Variants in C1orf21 observed in about 807,000 individuals in gnomAD.
The protein encoded by C1orf21 is uncharacterized protein C1orf21.
In C1orf21, 3 loss-of-function variants were observed where a neutral mutation model predicts 18.7. The ratio of observed to expected loss-of-function variants is 0.16; its 90% CI spans 0.07 to 0.42. C1orf21 has a LOEUF of 0.42. C1orf21 is among the 10% of genes least tolerant of loss of function. The pLI, the probability that C1orf21 is intolerant of heterozygous loss-of-function variation, is 0.99. For missense variants in C1orf21, 104 were observed against 143.6 expected (o/e 0.72, Z 1.41); for synonymous variants, 41 against 46.4 (o/e 0.88, Z 0.47).
chr1:184,422,050 ACGT>A (rs1351955026), intron 1 of C1orf21, among the ~76,000 whole-genome samples: 1 of 152,220 alleles, frequency 6.6e-6, no homozygotes, highest in Non-Finnish European at 1.5e-5. Flanking sequence ...TCAACTGAAT[ACGT>A]GGGGAGCATT....
intron 3 of C1orf21, among the ~76,000 whole-genome samples, chr1:184,543,048 T>C (rs971664013): frequency 6.6e-6 from 1 of 152,256 alleles, no homozygotes; most frequent in African/African-American, 2.4e-5. Context: ...TCCACCTTGC[T>C]GTGGGAACCA....
intron 3 of C1orf21, among the ~76,000 whole-genome samples, chr1:184,571,283 C>G (rs1659107676): frequency 8.8e-6 from 1 of 113,600 alleles, no homozygotes; most frequent in African/African-American, 3.7e-5. Context: ...GGCGACAGAG[C>G]GAGACTCCGT....
chr1:184,526,378 T>C (rs969026765), intron 3 of C1orf21, among the ~76,000 whole-genome samples: 6 of 152,194 alleles, frequency 3.9e-5, no homozygotes, highest in African/African-American at 1.2e-4. Context: ...ATTTTTACAA[T>C]AATTTCTTTT....
rs563929778 is a variant in C1orf21, at chr1:184,586,431, C to T, written c.190-4308C>T. On this transcript the variant is annotated intron_variant, in intron 3 of 5. Coordinates refer to ENST00000235307, the MANE Select transcript of C1orf21 (RefSeq NM_030806.4). ...CCCGAGTAGCTGGGACTACAGGCGC[C>T]CGCCACCTCGCCCGGCTAATTTTTT... Among the ~76,000 whole-genome samples the T allele has an allele frequency of 4.6e-5, 7 of 151,972 alleles. No homozygotes were observed. The South Asian group carries it at 1.2e-3, about 27-fold the overall frequency.
intron 2 of C1orf21, among the ~76,000 whole-genome samples, chr1:184,487,237 C>G (rs1056002937): frequency 3.0e-4 from 45 of 152,346 alleles, no homozygotes; most frequent in African/African-American, 1.1e-3. Flanking sequence ...CCTCTCCAGG[C>G]AGCCCCTACC....
intron 1 of C1orf21, among the ~76,000 whole-genome samples, chr1:184,390,367 G>A (rs1053962321): frequency 2.6e-5 from 4 of 152,210 alleles, no homozygotes; most frequent in African/African-American, 9.6e-5. Context: ...CAAGTGCTCT[G>A]AGCAGCACAG....
intron 3 of C1orf21, among the ~76,000 whole-genome samples, chr1:184,537,134 A>G (rs966435874): frequency 6.6e-6 from 1 of 152,172 alleles, no homozygotes; most frequent in African/African-American, 2.4e-5. Context: ...TAATTGTGGT[A>G]AAATTCACAT....
intron 1 of C1orf21, among the ~76,000 whole-genome samples, chr1:184,469,755 TAAAGC>T (rs141488942): frequency 0.067 from 10,134 of 152,262 alleles, 406 homozygotes; most frequent in Non-Finnish European, 0.081. Flanking sequence ...GTGCATAAAA[TAAAGC>T]TAGGGCAAGC....
intron 3 of C1orf21, among the ~76,000 whole-genome samples, chr1:184,547,733 A>T (rs529710882): frequency 6.6e-6 from 1 of 152,348 alleles, no homozygotes; most frequent in East Asian, 1.9e-4. Flanking sequence ...ATTTGAATAG[A>T]TGAAATGAGC....
intron 1 of C1orf21, among the ~76,000 whole-genome samples, chr1:184,421,060 C>T (rs1355316119): frequency 6.6e-6 from 1 of 152,104 alleles, no homozygotes; most frequent in Non-Finnish European, 1.5e-5. Context: ...CATAGTTTCA[C>T]CATTGTTTTG....
chr1:184,442,419 AT>A (rs2101975586), intron 1 of C1orf21, among the ~76,000 whole-genome samples: 1 of 152,320 alleles, frequency 6.6e-6, no homozygotes, highest in African/African-American at 2.4e-5. Flanking sequence ...CAGGATTATG[AT>A]AAAGATTACG....
intron 3 of C1orf21, chr1:184,567,080 G>A (rs1386831544): frequency 6.1e-6 from 3 of 488,546 alleles, no homozygotes; most frequent in Admixed American, 4.3e-5. Flanking sequence ...CCTTGAGAAA[G>A]ACAGTCAGGT....
chr1:184,513,137 A>G (rs955022011), intron 3 of C1orf21, among the ~76,000 whole-genome samples: 2 of 152,186 alleles, frequency 1.3e-5, no homozygotes, highest in African/African-American at 4.8e-5. Flanking sequence ...CTTCCATGAA[A>G]CCAGTTCCTG....
At chr1:184,567,339 G>A in intron 3 of C1orf21, 1 of 469,780 alleles carries the variant, frequency 2.1e-6, no homozygotes, top group South Asian at 1.7e-5. Context: ...CAGGAAAGCA[G>A]GACCTGTTTC....
chr1:184,492,739 G>A (rs922544522), intron 2 of C1orf21, among the ~76,000 whole-genome samples: 1 of 152,182 alleles, frequency 6.6e-6, no homozygotes, highest in Non-Finnish European at 1.5e-5. Context: ...GTGCTGTGCA[G>A]CTGCTGCTAG....
chr1:184,520,986 C>T (rs370534534), intron 3 of C1orf21, among the ~76,000 whole-genome samples: 23 of 152,126 alleles, frequency 1.5e-4, no homozygotes, highest in East Asian at 1.2e-3. Context: ...CTCCGCCTCC[C>T]GGGTTCAAAT....
chr1:184,396,955 T>G (rs1656060141), intron 1 of C1orf21, among the ~76,000 whole-genome samples: 1 of 152,146 alleles, frequency 6.6e-6, no homozygotes, highest in South Asian at 2.1e-4. Flanking sequence ...GATGAATAAA[T>G]CAGTGATTGA....
intron 3 of C1orf21, among the ~76,000 whole-genome samples, chr1:184,517,119 G>A (rs537533232): frequency 1.3e-5 from 2 of 148,984 alleles, no homozygotes; most frequent in South Asian, 2.2e-4. Context: ...TCAAGATCAC[G>A]GTCGTCATAT....
intron 2 of C1orf21, among the ~76,000 whole-genome samples, chr1:184,501,270 CA>C (rs1355933831): frequency 6.6e-6 from 1 of 152,132 alleles, no homozygotes; most frequent in Non-Finnish European, 1.5e-5. Context: ...TTTCTTGTTA[CA>C]CCTGTCTTAC....
Sources: gnomAD v4.1 joint callset for allele counts (sites outside exome capture counted in the v4.1 genomes callset) on GRCh38, gnomAD v4.1.1 for gene constraint, MANE v1.5 for transcripts, NCBI Gene and HGNC (gene_info 2026-07-23, HGNC 2026-07-21) for gene names.